The following FNDC3A variants were observed in gnomAD, a reference collection of about 807,000 sequenced individuals.
FNDC3A encodes the protein fibronectin type-III domain-containing protein 3A.
In FNDC3A, 32 loss-of-function variants were observed where a neutral mutation model predicts 148.9. The observed-to-expected ratio is 0.21, with a 90% CI of 0.16 to 0.29. The LOEUF (loss-of-function observed/expected upper bound fraction) is 0.29. FNDC3A is among the 10% of genes least tolerant of loss of function. The probability of loss-of-function intolerance (pLI) is 1.00; values close to 1 mark genes in which losing one functional copy is unlikely to be tolerated. For missense variants in FNDC3A, 1,191 were observed against 1,452.8 expected, an observed-to-expected ratio of 0.82 and a Z score of 2.93; for synonymous variants, 472 against 473.6, an observed-to-expected ratio of 1.00 and a Z score of 0.04.
chr13:49,017,563 A>C (rs1486189955), intron 2 of FNDC3A, among the ~76,000 whole-genome samples: 1 of 152,092 alleles, frequency 6.6e-6, no homozygotes, highest in Non-Finnish European at 1.5e-5. Context: ...CAAATTTGCC[A>C]GTCTGTGTCT....
intron 7 of FNDC3A, among the ~76,000 whole-genome samples, chr13:49,143,383 T>C (rs879423017): frequency 2.2e-4 from 33 of 152,258 alleles, no homozygotes; most frequent in African/African-American, 7.9e-4. Flanking sequence ...AATAATATTT[T>C]TTAAGTTGAA....
chr13:49,183,481 G>T (rs571870361), intron 14 of FNDC3A, among the ~76,000 whole-genome samples: 7 of 152,238 alleles, frequency 4.6e-5, no homozygotes, highest in Admixed American at 1.3e-4. Flanking sequence ...AAATTTGGGT[G>T]GGGGGAGATT....
intron 2 of FNDC3A, among the ~76,000 whole-genome samples, chr13:49,070,318 T>G (rs562968243): frequency 7.6e-4 from 115 of 152,168 alleles, no homozygotes; most frequent in African/African-American, 2.6e-3. Flanking sequence ...TTAAAATTTT[T>G]TAGTAGCCTC....
At chr13:49,119,786 G>C (rs1210877345) in intron 4 of FNDC3A, among the ~76,000 whole-genome samples, 1 of 151,968 alleles carries the variant, frequency 6.6e-6, no homozygotes, top group Admixed American at 6.6e-5. Flanking sequence ...GACAAGATTA[G>C]AGAGACAAGA....
intron 1 of FNDC3A, among the ~76,000 whole-genome samples, chr13:49,005,932 A>G (rs946377525): frequency 5.3e-5 from 8 of 151,990 alleles, no homozygotes; most frequent in African/African-American, 1.9e-4. Flanking sequence ...TATCATATAA[A>G]CTTACTGACT....
chr13:49,034,599 A>G (rs1186418712), intron 2 of FNDC3A, among the ~76,000 whole-genome samples: 3 of 152,064 alleles, frequency 2.0e-5, no homozygotes, highest in African/African-American at 7.2e-5. Context: ...TTGAGTTTTA[A>G]TAAGCATAAT....
chr13:49,191,169 A>AT, intron 18 of FNDC3A, 40 bp from the exon 19 acceptor site: 4 of 1,604,930 alleles, frequency 2.5e-6, no homozygotes, highest in Non-Finnish European at 3.4e-6. Context: ...AACAGGAAGT[A>AT]TTCGTCTTGT....
chr13:48,995,008 CATGATCTGAGA>C (rs1371009538), intron 1 of FNDC3A, among the ~76,000 whole-genome samples: 1 of 152,074 alleles, frequency 6.6e-6, no homozygotes, highest in Admixed American at 6.5e-5. Flanking sequence ...ACTCTTACAT[CATGATCTGAGA>C]ATGAAATCAT....
At chr13:48,994,650 T>TA (rs1951989234) in intron 1 of FNDC3A, among the ~76,000 whole-genome samples, 1 of 152,102 alleles carries the variant, frequency 6.6e-6, no homozygotes, top group South Asian at 2.1e-4. Flanking sequence ...TGGTGGCGCA[T>TA]GCCTGTAATC....
At chr13:49,187,879 A>G (rs1397500208) in intron 16 of FNDC3A, among the ~76,000 whole-genome samples, 1 of 152,044 alleles carries the variant, frequency 6.6e-6, no homozygotes, top group East Asian at 1.9e-4. Context: ...CGTTGCATTT[A>G]CATGTTCTTT....
intron 1 of FNDC3A, among the ~76,000 whole-genome samples, chr13:48,993,507 C>T (rs911817952): frequency 6.6e-6 from 1 of 152,142 alleles, no homozygotes; most frequent in African/African-American, 2.4e-5. Context: ...CATATGATAG[C>T]ACACTTAAGA....
intron 2 of FNDC3A, among the ~76,000 whole-genome samples, chr13:49,070,229 T>G (rs927566339): frequency 6.6e-6 from 1 of 152,082 alleles, no homozygotes; most frequent in Non-Finnish European, 1.5e-5. Flanking sequence ...CCTCCTGGGT[T>G]CAAGCAGTTC....
chr13:49,073,840 G>GTATATATTATATATATGTATA (rs1877905518), intron 2 of FNDC3A, among the ~76,000 whole-genome samples: 1 of 133,974 alleles, frequency 7.5e-6, no homozygotes, highest in African/African-American at 3.3e-5. Context: ...ATATATGTGT[G>GTATATATTATATATATGTATA]TATATGTATA....
At chr13:49,136,640 A>G (rs1882379783) in intron 6 of FNDC3A, 39 bp downstream of exon 6, 6 of 1,574,686 alleles carry the variant, frequency 3.8e-6, no homozygotes, top group African/African-American at 1.4e-5. Flanking sequence ...CATTGATGCT[A>G]TTCTCGTGAT....
intron 7 of FNDC3A, among the ~76,000 whole-genome samples, chr13:49,142,663 C>G (rs1318040261): frequency 6.6e-6 from 1 of 152,146 alleles, no homozygotes; most frequent in Admixed American, 6.5e-5. Flanking sequence ...TATGAACATG[C>G]CTTGGACTAC....
chr13:49,196,855 C>T (rs776576263), intron 19 of FNDC3A, 22 bp from the exon 20 acceptor site: 10 of 1,315,172 alleles, frequency 7.6e-6, no homozygotes, highest in Non-Finnish European at 1.1e-5. Flanking sequence ...AATAAAAACA[C>T]TAGTTACATT....
At chr13:48,991,687 CAAAAAAA>C (rs1054341120) in intron 1 of FNDC3A, among the ~76,000 whole-genome samples, 1 of 141,530 alleles carries the variant, frequency 7.1e-6, no homozygotes, top group Non-Finnish European at 1.5e-5. Context: ...AACCCTGTCT[CAAAAAAA>C]AGAAAAAAGG....
intron 2 of FNDC3A, among the ~76,000 whole-genome samples, chr13:49,071,280 A>G (rs1877670892): frequency 6.6e-6 from 1 of 152,064 alleles, no homozygotes; most frequent in Non-Finnish European, 1.5e-5. Context: ...TCATCCATTG[A>G]TGGACACTTG....
intron 5 of FNDC3A, among the ~76,000 whole-genome samples, chr13:49,134,299 G>A (rs1481790645): frequency 1.3e-5 from 2 of 152,078 alleles, no homozygotes; most frequent in African/African-American, 2.4e-5. Flanking sequence ...TGTTCATACA[G>A]TATGTAGACT....
Sources: gnomAD v4.1 joint callset for allele counts (sites outside exome capture counted in the v4.1 genomes callset) on GRCh38, gnomAD v4.1.1 for gene constraint, MANE v1.5 for transcripts, NCBI Gene and HGNC (gene_info 2026-07-23, HGNC 2026-07-21) for gene names.